The following CPA3 variants were observed in gnomAD, a reference collection of about 807,000 sequenced individuals.
The protein encoded by CPA3 is carboxypeptidase A3.
A neutral mutation model predicts 55.8 loss-of-function variants in CPA3; 52 were observed. The ratio of observed to expected loss-of-function variants is 0.93; its 90% CI spans 0.75 to 1.17. The LOEUF is 1.17. Among genes scored for constraint, CPA3 ranks in the 50% most tolerant of loss-of-function variants. The pLI is 0.00. For missense variants in CPA3, 547 were observed against 509.1 expected (o/e 1.07, Z -0.72); for synonymous variants, 179 against 171.2 (o/e 1.05, Z -0.36).
intron 10 of CPA3, among the ~76,000 whole-genome samples, chr3:148,890,324 G>A (rs1013485911): frequency 6.6e-6 from 1 of 152,126 alleles, no homozygotes; most frequent in Non-Finnish European, 1.5e-5. Context: ...GAGTTGATAA[G>A]AACCAAGATT....
At chr3:148,878,310 G>A (rs1409778478) in intron 3 of CPA3, 131 bp from the exon 4 acceptor site, 1 of 702,044 alleles carries the variant, frequency 1.4e-6, no homozygotes, top group African/African-American at 1.8e-5. Context: ...AGCTAGAGGA[G>A]AATAATGAAG....
chr3:148,880,072 C>A (rs1714321337), intron 6 of CPA3, among the ~76,000 whole-genome samples, 183 bp downstream of exon 6: 2 of 152,186 alleles, frequency 1.3e-5, no homozygotes, highest in African/African-American at 4.8e-5. Context: ...TTGACAACTT[C>A]CCTCCAAACA....
intron 10 of CPA3, among the ~76,000 whole-genome samples, chr3:148,895,500 A>G (rs1307326622): frequency 6.6e-6 from 1 of 152,160 alleles, no homozygotes; most frequent in Non-Finnish European, 1.5e-5. Flanking sequence ...CTCTGCCTCT[A>G]TTGACTTATA....
Position 148,878,633 on chromosome 3 carries a change from A to T in CPA3, c.373-14A>T, listed in dbSNP as rs774374687. 3.8e-6 allele frequency: 6 copies of T among 1,589,408 alleles called. No homozygotes were observed. The Admixed American group carries it at 6.9e-5, about 18-fold the overall frequency. On this transcript the variant is annotated splice_polypyrimidine_tract_variant and intron_variant, in intron 4 of 10. Transcript: ENST00000296046. ...CTTTTATTCTAATTTCTCAAAATTG[A>T]TTTTGCTCTTAAGATTGTGGCTTGG...
At position 148,883,848 on chromosome 3, in the gene CPA3, G is replaced by C. The variant is rs377231047; in HGVS notation, c.981+33G>C. The C allele has an allele frequency of 6.8e-6, 10 of 1,462,694 alleles. No homozygotes were observed. The Admixed American group carries it at 1.7e-4, about 25-fold the overall frequency. 90.6% of individuals were successfully genotyped at this position (1,462,694 alleles called of 1,614,324 possible). A position where few individuals can be genotyped will look rare whatever the true frequency, so the allele number is the denominator to read the frequency against. On this transcript the variant is annotated intron_variant, in intron 9 of 10. Transcript: ENST00000296046. ...GACAAAAGTTTGCACTTCATGCATCGACAATACCATTGACTTTCAGTCTGT... is the reference window on the plus strand; with the variant it reads ...GACAAAAGTTTGCACTTCATGCATCCACAATACCATTGACTTTCAGTCTGT...
rs1714850174 is a variant in CPA3, at chr3:148,897,075, TAATGCTTTAAAATTC to T, written c.*370_*384del. 1 of 161,228 alleles carries T rather than the reference TAATGCTTTAAAATTC, an allele frequency of 6.2e-6. No individual in the cohort carries two copies. The highest frequency in any genetic ancestry group is 2.4e-5 in the African/African-American group (1 of 41,860). The allele number at this position is 161,228 out of a possible 1,614,324, so 10.0% of individuals were successfully genotyped here. A position where few individuals can be genotyped will look rare whatever the true frequency, so the allele number is the denominator to read the frequency against. ...CTAATACAATAAAATAAAATGCACT[TAATGCTTTAAAATTC>T]ATCTTTTTATGATAAACTATATTCT... On this transcript the variant is annotated 3_prime_UTR_variant, in exon 11 of 11. Transcript: ENST00000296046.
chr3:148,889,376 A>AG (rs540028388), intron 10 of CPA3, among the ~76,000 whole-genome samples: 47 of 152,342 alleles, frequency 3.1e-4, no homozygotes, highest in African/African-American at 1.1e-3. Context: ...TGATGAAGAC[A>AG]GAAAAAAAAG....
intron 7 of CPA3, among the ~76,000 whole-genome samples, chr3:148,882,173 T>C (rs1714390466): frequency 6.6e-6 from 1 of 152,204 alleles, no homozygotes; most frequent in African/African-American, 2.4e-5. Context: ...TGAATCTATA[T>C]ATGGTGAACA....
intron 3 of CPA3, among the ~76,000 whole-genome samples, chr3:148,871,641 C>G (rs6799098): frequency 0.58 from 88,847 of 152,012 alleles, 26,453 homozygotes; most frequent in Middle Eastern, 0.68. Flanking sequence ...GTTTTTCACT[C>G]TGTCTTATGA....
intron 9 of CPA3, 138 bp from the exon 10 acceptor site, chr3:148,885,955 T>C (rs1714516941): frequency 3.1e-6 from 2 of 653,628 alleles, no homozygotes; most frequent in Non-Finnish European, 5.3e-6. Flanking sequence ...TTATGAGTCT[T>C]GAAACTAAAG....
At chr3:148,869,611 T>C (rs1279732447) in intron 3 of CPA3, among the ~76,000 whole-genome samples, 1 of 151,944 alleles carries the variant, frequency 6.6e-6, no homozygotes, top group East Asian at 1.9e-4. Context: ...AGAATACAGT[T>C]TAAATCAAAG....
intron 3 of CPA3, among the ~76,000 whole-genome samples, chr3:148,875,568 T>G (rs1714180400): frequency 6.6e-6 from 1 of 152,152 alleles, no homozygotes; most frequent in African/African-American, 2.4e-5. Flanking sequence ...CTCTTTTTTT[T>G]TCTTTTTGCT....
chr3:148,877,411 T>G (rs564741820), intron 3 of CPA3, among the ~76,000 whole-genome samples: 1 of 152,000 alleles, frequency 6.6e-6, no homozygotes, highest in East Asian at 1.9e-4. Flanking sequence ...GGAGAATCAC[T>G]TGAACCCGGG....
At chr3:148,887,831 C>T (rs564413987) in intron 10 of CPA3, among the ~76,000 whole-genome samples, 20 of 152,280 alleles carry the variant, frequency 1.3e-4, no homozygotes, top group Non-Finnish European at 1.9e-4. Context: ...GTACAGTGCA[C>T]GGCATGGAAC....
Position 148,884,939 on chromosome 3 carries a change from T to C in CPA3, c.981+1124T>C, listed in dbSNP as rs1311357669. Among the ~76,000 whole-genome samples the C allele has an allele frequency of 7.2e-5, 11 of 152,212 alleles. No individual in the cohort carries two copies. In the East Asian group the frequency reaches 1.9e-3, roughly 27 times the overall value. ...ACTAAATTGATTAAGAAAAAAATTATTTATTGGTTATATACGTTATATGTA... is the reference window on the plus strand; with the variant it reads ...ACTAAATTGATTAAGAAAAAAATTACTTATTGGTTATATACGTTATATGTA... On this transcript the variant is annotated intron_variant, in intron 9 of 10. Transcript: ENST00000296046.
At chr3:148,878,819 C>G (rs904394628) in intron 5 of CPA3, 71 bp downstream of exon 5, 5 of 868,462 alleles carry the variant, frequency 5.8e-6, no homozygotes, top group African/African-American at 1.7e-5. Flanking sequence ...TACTTTGTAA[C>G]ACAACTAAGC....
At chr3:148,883,204 A>G (rs1338097005) in intron 8 of CPA3, among the ~76,000 whole-genome samples, 1 of 152,236 alleles carries the variant, frequency 6.6e-6, no homozygotes. Context: ...GAAGAGCAGC[A>G]GCTATCTCTA....
chr3:148,882,509 G>A lies in CPA3; in HGVS notation c.692G>A (p.Arg231His), dbSNP rs765856914. Residue 231 changes from arginine to histidine, a missense_variant, in exon 8 of 11, where the codon CGC (arginine) becomes CAC (histidine). Physicochemically the swap from Arg to His is conservative, Grantham distance 29. Transcript: ENST00000296046. ...DGYIWSWTKN[R>H]MWRKNRSKNQ... ...TTACGTCATTCAATCTGGCAGAACCGCATGTGGAGAAAAAATCGTTCCAAG... is the reference window on the plus strand; with the variant it reads ...TTACGTCATTCAATCTGGCAGAACCACATGTGGAGAAAAAATCGTTCCAAG... 5.0e-5 allele frequency: 81 copies of A among 1,612,938 alleles called. No homozygotes were observed. Among genetic ancestry groups the A allele is most frequent in the East Asian group, 1.6e-4 (7 of 44,830 alleles).
rs1269054413 is a variant in CPA3 at position 148,886,164 on chromosome 3, A to G, written c.1053A>G (p.Ile351Met). 1 of 1,609,562 alleles carries G rather than the reference A, an allele frequency of 6.2e-7. No individual in the cohort carries two copies. Among genetic ancestry groups the G allele is most frequent in the Admixed American group, 1.7e-5 (1 of 59,918 alleles). ...AAACCCGCTACATCTATGGCCCAAT[A>G]GAATCAACAATTTGTAAGTCATTCC... The part of the protein sequence containing the change: ...RYETRYIYGP[I>M]ESTIYPISGS... Residue 351 changes from isoleucine to methionine, a missense_variant, in exon 10 of 11, where the codon ATA becomes ATG. Coordinates refer to ENST00000296046, the MANE Select transcript of CPA3 (RefSeq NM_001870.4).
Sources: allele counts gnomAD v4.1 joint callset (sites outside exome capture counted in the v4.1 genomes callset), GRCh38; gene constraint gnomAD v4.1.1; transcripts MANE v1.5; gene names NCBI Gene and HGNC (gene_info 2026-07-23, HGNC 2026-07-21).